The following CGNL1 variants were observed in gnomAD, a reference collection of about 807,000 sequenced individuals.
The protein encoded by CGNL1 is cingulin-like protein 1.
Under a neutral mutation model 141.2 loss-of-function variants are expected in CGNL1, and 132 were observed. The observed-to-expected ratio is 0.93, with a 90% CI of 0.81 to 1.08. The LOEUF is 1.08. CGNL1 is among the 50% of genes least tolerant of loss of function. CGNL1 has a pLI of 0.00. For synonymous variants in CGNL1, 690 were observed against 622.1 expected, an observed-to-expected ratio of 1.11 and a Z score of -1.63; for missense variants, 1,870 against 1,588.6, an observed-to-expected ratio of 1.18 and a Z score of -3.01.
intron 1 of CGNL1, among the ~76,000 whole-genome samples, chr15:57,421,953 G>C (rs1445653022): frequency 1.3e-5 from 2 of 151,986 alleles, no homozygotes; most frequent in South Asian, 2.1e-4. Flanking sequence ...CTCCCCTTTC[G>C]TTATTCAGTG....
Position 57,547,372 on chromosome 15 carries a change from G to A in CGNL1, c.3791G>A (p.Ser1264Asn). The part of the protein sequence containing the change: ...KKDLRLKKLP[S>N]KVLDDMDDDD... ...TTCAGCAGACTGAAGAAGCTGCCGAGTAAAGTGCTGGATGACATGGATGAC... is the reference window on the plus strand; with the variant it reads ...TTCAGCAGACTGAAGAAGCTGCCGAATAAAGTGCTGGATGACATGGATGAC... The change falls in exon 19 of 19, where the codon AGT (serine) becomes AAT (asparagine). Residue 1264 changes from serine to asparagine, a missense_variant. Physicochemically the swap from Ser to Asn is conservative, Grantham distance 46. Transcript: ENST00000281282. 6.2e-7 allele frequency: 1 copy of A among 1,614,182 alleles called. No homozygotes were observed. The highest frequency in any genetic ancestry group is 8.5e-7 in the Non-Finnish European group (1 of 1,180,014).
chr15:57,491,173 T>TGTACCATGTTCGTGTAAGATGCAG (rs2063857029), intron 8 of CGNL1, among the ~76,000 whole-genome samples: 1 of 152,204 alleles, frequency 6.6e-6, no homozygotes. Flanking sequence ...TTATGACACA[T>TGTACCATGTTCGTGTAAGATGCAG]GTACCATGTT....
rs147424074 is a variant in CGNL1 at position 57,412,884 on chromosome 15, C to T, written c.-15-25101C>T. On this transcript the variant is annotated intron_variant, in intron 1 of 18. Coordinates refer to ENST00000281282, the MANE Select transcript of CGNL1 (RefSeq NM_032866.5). ...AGTTTCTTTTTTTTTCTTTTTGAGA[C>T]GGAATCTCACTGTCACCCAGGCTGG... 2.2e-4 allele frequency among the ~76,000 whole-genome samples: 33 copies of T among 152,116 alleles called. No individual in the cohort carries two copies. In the South Asian group the frequency reaches 2.9e-3, roughly 13 times the overall value.
chr15:57,441,496 G>A (rs1323823619), intron 3 of CGNL1, among the ~76,000 whole-genome samples: 2 of 152,070 alleles, frequency 1.3e-5, no homozygotes, highest in African/African-American at 2.4e-5. Flanking sequence ...AGCCACCTGA[G>A]TAGCTGGGAT....
chr15:57,547,724 C>G lies in CGNL1; in HGVS notation c.*234C>G. On this transcript the variant is annotated 3_prime_UTR_variant, in exon 19 of 19. Coordinates refer to ENST00000281282, the MANE Select transcript of CGNL1 (RefSeq NM_032866.5). ...CCTGAGGACCAGGAGCCACCACCCA[C>G]TGGGGTGTTGTGAGAGATACACTTT... The G allele has an allele frequency of 2.0e-6, 1 of 494,790 alleles. No individual in the cohort carries two copies. Among genetic ancestry groups the G allele is most frequent in the Non-Finnish European group, 3.6e-6 (1 of 280,454 alleles). 30.6% of individuals were successfully genotyped at this position (494,790 alleles called of 1,614,324 possible). A position where few individuals can be genotyped will look rare whatever the true frequency, so the allele number is the denominator to read the frequency against.
At chr15:57,450,916 A>G (rs2063314371) in intron 4 of CGNL1, among the ~76,000 whole-genome samples, 1 of 152,156 alleles carries the variant, frequency 6.6e-6, no homozygotes, top group African/African-American at 2.4e-5. Flanking sequence ...AGGTGCATAA[A>G]ACCTGGTCCC....
chr15:57,424,622 G>A (rs185338896), intron 1 of CGNL1, among the ~76,000 whole-genome samples: 47 of 152,210 alleles, frequency 3.1e-4, no homozygotes, highest in African/African-American at 1.1e-3. Flanking sequence ...TTTGGGTATC[G>A]GGTTATATTA....
intron 1 of CGNL1, among the ~76,000 whole-genome samples, chr15:57,393,587 T>C (rs1360162117): frequency 6.6e-6 from 1 of 152,220 alleles, no homozygotes; most frequent in Admixed American, 6.5e-5. Flanking sequence ...ACATCTTTTT[T>C]TGGGATCATT....
chr15:57,422,475 T>A (rs1365336101), intron 1 of CGNL1, among the ~76,000 whole-genome samples: 1 of 152,206 alleles, frequency 6.6e-6, no homozygotes, highest in African/African-American at 2.4e-5. Context: ...ATTTAAATAC[T>A]CTTCTCTTTT....
At chr15:57,470,256 C>CT (rs60982599) in intron 8 of CGNL1, among the ~76,000 whole-genome samples, 2,235 of 113,946 alleles carry the variant, frequency 0.02, 100 homozygotes, top group African/African-American at 0.066. Flanking sequence ...TTTTGTCTCT[C>CT]TTTTTTTTTT....
At chr15:57,468,367 A>T (rs1470696091) in intron 8 of CGNL1, among the ~76,000 whole-genome samples, 1 of 150,690 alleles carries the variant, frequency 6.6e-6, no homozygotes. Flanking sequence ...CAGCCTCCCA[A>T]GGAACTAGGA....
At chr15:57,419,860 G>A (rs2062893976) in intron 1 of CGNL1, among the ~76,000 whole-genome samples, 1 of 152,328 alleles carries the variant, frequency 6.6e-6, no homozygotes, top group Middle Eastern at 3.4e-3. Context: ...GAAGTGAGGA[G>A]TTATGTTCCC....
chr15:57,468,381 C>T (rs866437905), intron 8 of CGNL1, among the ~76,000 whole-genome samples: 1 of 151,738 alleles, frequency 6.6e-6, no homozygotes. Context: ...ACTAGGACTA[C>T]AGCTGCACGC....
chr15:57,439,092 G>A lies in CGNL1; in HGVS notation c.1093G>A (p.Gly365Arg), dbSNP rs2063148579. The change falls in exon 2 of 19, where the codon GGG (glycine) becomes AGG (arginine). Residue 365 changes from glycine (G) to arginine (R), a missense_variant. Gly to Arg is a moderately radical substitution (Grantham distance 125). Coordinates refer to ENST00000281282, the MANE Select transcript of CGNL1 (RefSeq NM_032866.5). ...AATTGAAAAATTTGATCAAAAACCT[G>A]GGCTTCAGAGAAGAGGAAGGTCTGG... ...QLIEKFDQKP[G>R]LQRRGRSGKR... 1 of 1,614,038 alleles carries A rather than the reference G, an allele frequency of 6.2e-7. No homozygotes were observed. The highest frequency in any genetic ancestry group is 1.1e-5 in the South Asian group (1 of 91,074).
chr15:57,511,202 A>C (rs1475961426), intron 8 of CGNL1, among the ~76,000 whole-genome samples: 1 of 152,156 alleles, frequency 6.6e-6, no homozygotes, highest in Non-Finnish European at 1.5e-5. Context: ...ATAGTCAGTC[A>C]TTGTTACCAG....
At position 57,520,317 on chromosome 15, in the gene CGNL1, G is replaced by A. The variant is rs78035014; in HGVS notation, c.2715+1820G>A. Among the ~76,000 whole-genome samples the A allele has an allele frequency of 4.6e-5, 7 of 152,282 alleles. No individual in the cohort carries two copies. The East Asian group carries it at 5.8e-4, about 13-fold the overall frequency. On this transcript the variant is annotated intron_variant, in intron 10 of 18. Coordinates refer to ENST00000281282, the MANE Select transcript of CGNL1 (RefSeq NM_032866.5). ...TGGTTACTCTTTCTATGCACCTCTC[G>A]TCCTTGAAGCTGACAACTCAAAGGG...
intron 8 of CGNL1, among the ~76,000 whole-genome samples, chr15:57,504,464 C>T (rs921032568): frequency 3.3e-5 from 5 of 152,180 alleles, no homozygotes; most frequent in Non-Finnish European, 7.3e-5. Context: ...TGGATGTGAG[C>T]CAGGTGGGCT....
At position 57,549,756 on chromosome 15, in the gene CGNL1, T is replaced by G. The variant is rs1595824736; in HGVS notation, c.*2266T>G. 1 of 152,042 alleles carries G rather than the reference T, an allele frequency of 6.6e-6. No homozygotes were observed. Among genetic ancestry groups the G allele is most frequent in the Non-Finnish European group, 1.5e-5 (1 of 68,014 alleles). 9.4% of individuals were successfully genotyped at this position (152,042 alleles called of 1,614,324 possible). ...AATGACAATCAAATCGACATGGAGG[T>G]TGAGCACCTCTGTACTCAGCCCTCT... On this transcript the variant is annotated 3_prime_UTR_variant, in exon 19 of 19. Coordinates refer to ENST00000281282, the MANE Select transcript of CGNL1 (RefSeq NM_032866.5).
chr15:57,474,673 A>T (rs561181790), intron 8 of CGNL1, among the ~76,000 whole-genome samples: 2 of 152,286 alleles, frequency 1.3e-5, no homozygotes, highest in African/African-American at 4.8e-5. Flanking sequence ...TTGTAAAGGG[A>T]TACTATTTGT....
Sources: gnomAD v4.1 joint callset for allele counts (sites outside exome capture counted in the v4.1 genomes callset) on GRCh38, gnomAD v4.1.1 for gene constraint, MANE v1.5 for transcripts, NCBI Gene and HGNC (gene_info 2026-07-23, HGNC 2026-07-21) for gene names.